The following NRXN1 variants were observed in gnomAD, a reference collection of about 807,000 sequenced individuals.
The protein encoded by NRXN1 is neurexin-1.
Under a neutral mutation model 150.9 loss-of-function variants are expected in NRXN1, and 39 were observed. The ratio of observed to expected loss-of-function variants is 0.26; its 90% CI spans 0.20 to 0.34. The LOEUF is 0.34. Ranked by LOEUF, NRXN1 falls within the 10% of genes least tolerant of loss-of-function variation. NRXN1 has a pLI of 1.00. For synonymous variants in NRXN1, 924 were observed against 757.0 expected (o/e 1.22, Z -3.62); for missense variants, 1,815 against 1,949.9 (o/e 0.93, Z 1.30).
chr2:50,558,378 G>C (rs1401745127), intron 8 of NRXN1, among the ~76,000 whole-genome samples: 1 of 152,134 alleles, frequency 6.6e-6, no homozygotes, highest in Non-Finnish European at 1.5e-5. Context: ...GATAGCAGTT[G>C]CTAAGTAGAT....
intron 18 of NRXN1, among the ~76,000 whole-genome samples, chr2:50,097,535 T>C (rs891810502): frequency 6.6e-6 from 1 of 152,124 alleles, no homozygotes; most frequent in Non-Finnish European, 1.5e-5. Context: ...CTGGAGCCTA[T>C]AGTCACAGTT....
intron 17 of NRXN1, among the ~76,000 whole-genome samples, chr2:50,270,995 A>G (rs1257779280): frequency 2.6e-5 from 4 of 152,162 alleles, no homozygotes; most frequent in Admixed American, 2.6e-4. Flanking sequence ...TTGTCTTTCA[A>G]ATACTCATGC....
At chr2:50,041,335 T>C (rs559693058) in intron 21 of NRXN1, among the ~76,000 whole-genome samples, 2 of 152,340 alleles carry the variant, frequency 1.3e-5, no homozygotes, top group East Asian at 3.9e-4. Context: ...AACTCTGCAA[T>C]GAGTGTCTTT....
chr2:50,115,461 T>C (rs1490016979), intron 18 of NRXN1, among the ~76,000 whole-genome samples: 1 of 151,804 alleles, frequency 6.6e-6, no homozygotes, highest in African/African-American at 2.4e-5. Flanking sequence ...TCATTTAATA[T>C]CCACAACAAA....
At chr2:50,901,138 A>T (rs1422957071) in intron 5 of NRXN1, among the ~76,000 whole-genome samples, 1 of 152,046 alleles carries the variant, frequency 6.6e-6, no homozygotes, top group Non-Finnish European at 1.5e-5. Context: ...GAGTACCATG[A>T]TCCATGATTT....
intron 6 of NRXN1, among the ~76,000 whole-genome samples, chr2:50,622,778 A>G (rs1188387979): frequency 6.6e-6 from 1 of 152,194 alleles, no homozygotes; most frequent in Non-Finnish European, 1.5e-5. Context: ...AAATAAAAGT[A>G]TCTTCAAAAA....
At chr2:50,124,233 A>T (rs1403751242) in intron 18 of NRXN1, among the ~76,000 whole-genome samples, 1 of 152,148 alleles carries the variant, frequency 6.6e-6, no homozygotes, top group African/African-American at 2.4e-5. Context: ...AAGACTGAGA[A>T]TTGACATTGA....
intron 5 of NRXN1, among the ~76,000 whole-genome samples, chr2:50,689,895 T>A (rs1691825818): frequency 6.6e-6 from 1 of 150,798 alleles, no homozygotes; most frequent in South Asian, 2.1e-4. Context: ...TGTGTGTGTG[T>A]GTGTGTTTGA....
intron 2 of NRXN1, among the ~76,000 whole-genome samples, chr2:50,962,937 AT>A (rs1308310237): frequency 1.3e-5 from 2 of 151,744 alleles, no homozygotes; most frequent in African/African-American, 4.8e-5. Context: ...GATCATCAGA[AT>A]TGTGCAAAAA....
At chr2:51,018,529 T>C (rs1267798272) in intron 2 of NRXN1, among the ~76,000 whole-genome samples, 2 of 152,076 alleles carry the variant, frequency 1.3e-5, no homozygotes, top group Non-Finnish European at 2.9e-5. Context: ...ACTCCTAAGT[T>C]CAATTTCAAG....
At chr2:51,000,314 C>T (rs1045139822) in intron 2 of NRXN1, among the ~76,000 whole-genome samples, 1 of 152,052 alleles carries the variant, frequency 6.6e-6, no homozygotes, top group African/African-American at 2.4e-5. Flanking sequence ...ATAGAGCTTG[C>T]CATTTTCTGA....
chr2:50,226,961 C>G (rs2064441666), intron 18 of NRXN1, among the ~76,000 whole-genome samples: 1 of 151,896 alleles, frequency 6.6e-6, no homozygotes, highest in Non-Finnish European at 1.5e-5. Flanking sequence ...TTGCTAAATT[C>G]TAGGCTCATG....
At chr2:49,927,070 G>A (rs899141896) in intron 22 of NRXN1, among the ~76,000 whole-genome samples, 1 of 152,172 alleles carries the variant, frequency 6.6e-6, no homozygotes, top group Admixed American at 6.6e-5. Context: ...AGGCCAGCAG[G>A]GGCCAGGACT....
chr2:50,802,537 G>T (rs1384618696), intron 5 of NRXN1, among the ~76,000 whole-genome samples: 1 of 141,650 alleles, frequency 7.1e-6, no homozygotes, highest in African/African-American at 2.6e-5. Flanking sequence ...AAGGAAGGAA[G>T]GAAGGAAGGA....
intron 17 of NRXN1, among the ~76,000 whole-genome samples, chr2:50,393,598 T>C (rs1160980040): frequency 6.6e-6 from 1 of 152,142 alleles, no homozygotes; most frequent in African/African-American, 2.4e-5. Flanking sequence ...TGAGATAGAA[T>C]GTATATTGTT....
At chr2:50,842,928 C>T (rs1559340298) in intron 5 of NRXN1, among the ~76,000 whole-genome samples, 1 of 152,112 alleles carries the variant, frequency 6.6e-6, no homozygotes, top group African/African-American at 2.4e-5. Context: ...ATACAGTATA[C>T]AAACGTACTG....
intron 5 of NRXN1, among the ~76,000 whole-genome samples, chr2:50,790,161 A>ACT (rs1705729186): frequency 6.6e-6 from 1 of 151,892 alleles, no homozygotes; most frequent in Non-Finnish European, 1.5e-5. Flanking sequence ...ACACACACAC[A>ACT]CAAACAGGGT....
At chr2:49,978,710 G>T in intron 21 of NRXN1, among the ~76,000 whole-genome samples, 1 of 73,800 alleles carries the variant, frequency 1.4e-5, no homozygotes, top group African/African-American at 4.6e-5. Context: ...GAAAAGAGAG[G>T]CCACAAAAAA....
At chr2:50,930,244 G>A (rs548374491) in intron 2 of NRXN1, among the ~76,000 whole-genome samples, 27 of 151,988 alleles carry the variant, frequency 1.8e-4, no homozygotes, top group Non-Finnish European at 2.5e-4. Flanking sequence ...TCTCTAAACC[G>A]GATGCAGCAA....
Sources: gnomAD v4.1 joint callset for allele counts (sites outside exome capture counted in the v4.1 genomes callset) on GRCh38, gnomAD v4.1.1 for gene constraint, MANE v1.5 for transcripts, NCBI Gene and HGNC (gene_info 2026-07-23, HGNC 2026-07-21) for gene names.